STPG2: variants seen among roughly 807,000 people sequenced by gnomAD.
STPG2 encodes the protein sperm-tail PG-rich repeat-containing protein 2.
Under a neutral mutation model 54.2 loss-of-function variants are expected in STPG2, and 56 were observed. That is an observed-to-expected ratio of 1.03 (90% confidence interval 0.83 to 1.29). The LOEUF (loss-of-function observed/expected upper bound fraction) is 1.29. Ranked by LOEUF, STPG2 falls within the 50% of genes most tolerant of loss-of-function variation. The pLI is 0.00. For synonymous variants in STPG2, 200 were observed against 181.8 expected, an observed-to-expected ratio of 1.10 and a Z score of -0.81; for missense variants, 596 against 544.9, an observed-to-expected ratio of 1.09 and a Z score of -0.93.
intron 4 of STPG2, among the ~76,000 whole-genome samples, chr4:97,491,407 G>T (rs1730500397): frequency 6.6e-6 from 1 of 151,296 alleles, no homozygotes; most frequent in South Asian, 2.1e-4. Context: ...CATTTATTTG[G>T]TAAAATTTGG....
chr4:97,982,377 T>TCC (rs143979772), intron 5 of STPG2, among the ~76,000 whole-genome samples: 1 of 143,538 alleles, frequency 7.0e-6, no homozygotes, highest in African/African-American at 2.6e-5. Flanking sequence ...TCTCTTACTC[T>TCC]ACACACACAC....
chr4:98,050,667 CA>C (rs1288149282), intron 5 of STPG2, among the ~76,000 whole-genome samples: 7 of 151,976 alleles, frequency 4.6e-5, no homozygotes, highest in Admixed American at 2.6e-4. Flanking sequence ...AGACAATCAT[CA>C]AAAAAGTGAG....
At position 97,840,779 on chromosome 4, in the gene STPG2, C is replaced by T; in HGVS notation, c.1198G>A (p.Gly400Arg). Residue 400 changes from glycine (G) to arginine (R), a missense_variant, in exon 9 of 11, where the codon GGG (glycine) becomes AGG (arginine). By Grantham distance (125) the Gly-to-Arg change is moderately radical. Coordinates refer to ENST00000295268, the MANE Select transcript of STPG2 (RefSeq NM_174952.3). ...TAAGGACTTCTAGACTTACCTGGCC[C>T]ATCAGTCACTTTTTCTAGGCACCGA... ...TPRCLEKVTD[G>R]PGPAAYNPVL... is the part of the protein sequence containing the mutation. The T allele has an allele frequency of 5.0e-6, 8 of 1,610,748 alleles. No homozygotes were observed. The South Asian group carries it at 8.8e-5, about 18-fold the overall frequency.
intron 5 of STPG2, among the ~76,000 whole-genome samples, chr4:98,049,304 CT>C (rs1737238669): frequency 6.6e-6 from 1 of 152,086 alleles, no homozygotes. Flanking sequence ...ACCTATAAAA[CT>C]TTGGTTGAAT....
intron 5 of STPG2, among the ~76,000 whole-genome samples, chr4:98,049,587 G>A (rs1028989525): frequency 6.6e-6 from 1 of 152,250 alleles, no homozygotes; most frequent in African/African-American, 2.4e-5. Flanking sequence ...ACCATTGGAG[G>A]ATGCTAAGCA....
chr4:97,672,365 A>G (rs1722726897), intron 10 of STPG2, among the ~76,000 whole-genome samples: 1 of 151,696 alleles, frequency 6.6e-6, no homozygotes, highest in Non-Finnish European at 1.5e-5. Context: ...TTTAGTAGAG[A>G]CAGGGTTTCT....
intron 5 of STPG2, among the ~76,000 whole-genome samples, chr4:98,034,463 G>A (rs1429171984): frequency 5.9e-5 from 9 of 152,110 alleles, no homozygotes; most frequent in African/African-American, 2.2e-4. Context: ...ACAAACAAAT[G>A]GAAGAACATT....
At chr4:97,456,789 A>G (rs1386184254) in intron 4 of STPG2, among the ~76,000 whole-genome samples, 3 of 150,652 alleles carry the variant, frequency 2.0e-5, no homozygotes, top group Non-Finnish European at 3.0e-5. Flanking sequence ...CGAGCTACTC[A>G]GGAGGCTGAG....
intron 5 of STPG2, among the ~76,000 whole-genome samples, chr4:97,981,696 T>G (rs1020265059): frequency 6.6e-6 from 1 of 151,462 alleles, no homozygotes; most frequent in Non-Finnish European, 1.5e-5. Flanking sequence ...CAAATTATAT[T>G]TATTGAAAAA....
intron 4 of STPG2, among the ~76,000 whole-genome samples, chr4:97,484,315 A>G (rs778057449): frequency 6.6e-6 from 1 of 151,874 alleles, no homozygotes; most frequent in Non-Finnish European, 1.5e-5. Context: ...TTGAAAGATC[A>G]TTAGCAAGAT....
intron 3 of STPG2, among the ~76,000 whole-genome samples, chr4:98,122,540 A>C (rs6532719): frequency 1.3e-5 from 2 of 151,948 alleles, no homozygotes; most frequent in African/African-American, 2.4e-5. Flanking sequence ...CAACTTGATC[A>C]TGGTGGATAA....
At chr4:98,076,222 C>CT (rs1239029998) in intron 5 of STPG2, among the ~76,000 whole-genome samples, 2 of 146,830 alleles carry the variant, frequency 1.4e-5, no homozygotes, top group African/African-American at 5.1e-5. Flanking sequence ...CCAGCCTGGG[C>CT]AACAGAGCGA....
At chr4:97,980,787 G>T (rs905979441) in intron 6 of STPG2, among the ~76,000 whole-genome samples, 1 of 151,988 alleles carries the variant, frequency 6.6e-6, no homozygotes, top group Non-Finnish European at 1.5e-5. Flanking sequence ...ATACATGATT[G>T]AAAACCTCTG....
chr4:97,862,032 A>T (rs1240697322), intron 8 of STPG2, among the ~76,000 whole-genome samples: 1 of 152,138 alleles, frequency 6.6e-6, no homozygotes, highest in African/African-American at 2.4e-5. Flanking sequence ...CAAAATAACC[A>T]GCTAACATCA....
chr4:97,513,553 T>A (rs972324027), intron 4 of STPG2, among the ~76,000 whole-genome samples: 6 of 152,020 alleles, frequency 3.9e-5, no homozygotes, highest in African/African-American at 1.4e-4. Context: ...GACTCTCCTA[T>A]CACTCCAGAG....
intron 8 of STPG2, among the ~76,000 whole-genome samples, chr4:97,918,641 A>C: frequency 6.6e-6 from 1 of 152,224 alleles, no homozygotes; most frequent in East Asian, 1.9e-4. Flanking sequence ...GCCATAAAAA[A>C]GGAATGAAAT....
At position 98,019,473 on chromosome 4, in the gene STPG2, T is replaced by G. The variant is rs186891590; in HGVS notation, c.613-38155A>C. On this transcript the variant is annotated intron_variant, in intron 5 of 10. Transcript: ENST00000295268. ...CATGATGCCTCCGGGTTTATTCTTT[T>G]GGCTTAGGATTGACTTGGCGATGCG... 2.8e-4 allele frequency among the ~76,000 whole-genome samples: 42 copies of G among 152,148 alleles called. No homozygotes were observed. The East Asian group carries it at 7.6e-3, about 27-fold the overall frequency.
At chr4:97,756,214 G>C (rs2149049249) in intron 9 of STPG2, among the ~76,000 whole-genome samples, 1 of 152,188 alleles carries the variant, frequency 6.6e-6, no homozygotes, top group East Asian at 1.9e-4. Context: ...ATGATGTTTT[G>C]TTGTTGAGAA....
chr4:98,088,167 G>T (rs906292519), intron 5 of STPG2, among the ~76,000 whole-genome samples: 4 of 152,180 alleles, frequency 2.6e-5, no homozygotes, highest in Admixed American at 2.0e-4. Context: ...AGTTCAATGT[G>T]ACTAAAGTAT....
Sources: gnomAD v4.1 joint callset for allele counts (sites outside exome capture counted in the v4.1 genomes callset) on GRCh38, gnomAD v4.1.1 for gene constraint, MANE v1.5 for transcripts, NCBI Gene and HGNC (gene_info 2026-07-23, HGNC 2026-07-21) for gene names.